PKHD1: variants seen among roughly 807,000 people sequenced by gnomAD.
The protein encoded by PKHD1 is fibrocystin.
A neutral mutation model predicts 412.0 loss-of-function variants in PKHD1; 291 were observed. The observed-to-expected ratio is 0.71, with a 90% confidence interval of 0.64 to 0.78. PKHD1 has a LOEUF of 0.78. PKHD1 is among the 30% of genes least tolerant of loss of function. The pLI is 0.00. For missense variants in PKHD1, 4,825 were observed against 4,950.7 expected (o/e 0.97, Z 0.76); for synonymous variants, 1,777 against 1,821.5 (o/e 0.98, Z 0.62).
chr6:51,992,325 T>C (rs1190379290), intron 35 of PKHD1, among the ~76,000 whole-genome samples: 1 of 152,256 alleles, frequency 6.6e-6, no homozygotes, highest in African/African-American at 2.4e-5. Flanking sequence ...CCTAATATGT[T>C]TTTCTTTCCA....
At chr6:52,033,961 T>C (rs1430514583) in intron 28 of PKHD1, among the ~76,000 whole-genome samples, 1 of 151,816 alleles carries the variant, frequency 6.6e-6, no homozygotes, top group Admixed American at 6.6e-5. Context: ...AAACCCCACC[T>C]CTACTAAAAT....
chr6:51,979,985 T>A (rs574451839), intron 35 of PKHD1, among the ~76,000 whole-genome samples: 1 of 152,182 alleles, frequency 6.6e-6, no homozygotes, highest in Non-Finnish European at 1.5e-5. Context: ...TGCTCCATAT[T>A]TACATCAATG....
chr6:51,743,051 A>G (rs1784758868), intron 60 of PKHD1, among the ~76,000 whole-genome samples: 1 of 152,168 alleles, frequency 6.6e-6, no homozygotes, highest in Admixed American at 6.6e-5. Flanking sequence ...GCGTGTCACA[A>G]GAGAGGAGGT....
chr6:51,982,460 T>C (rs1795555522), intron 35 of PKHD1, among the ~76,000 whole-genome samples: 1 of 137,182 alleles, frequency 7.3e-6, no homozygotes, highest in African/African-American at 2.6e-5. Flanking sequence ...TTTTGTTCTG[T>C]ACTAAGAAAA....
At chr6:51,834,325 G>A (rs761651377) in intron 51 of PKHD1, among the ~76,000 whole-genome samples, 21 of 152,252 alleles carry the variant, frequency 1.4e-4, no homozygotes, top group African/African-American at 1.9e-4. Context: ...AGAGATCAAA[G>A]AAAGCGACAA....
chr6:51,703,693 A>C (rs2150718715), intron 60 of PKHD1, among the ~76,000 whole-genome samples: 1 of 152,152 alleles, frequency 6.6e-6, no homozygotes, highest in East Asian at 1.9e-4. Flanking sequence ...CTCTCTCCCA[A>C]GGAGGTCTGT....
rs1235985426 is a variant in PKHD1 at position 51,615,548 on chromosome 6, T to G, written c.*3533A>C. The G allele has an allele frequency of 6.6e-6, 1 of 152,246 alleles. No individual in the cohort carries two copies. The highest frequency in any genetic ancestry group is 1.5e-5 in the Non-Finnish European group (1 of 68,038). 9.4% of individuals were successfully genotyped at this position (152,246 alleles called of 1,614,324 possible). A position where few individuals can be genotyped will look rare whatever the true frequency, so the allele number is the denominator to read the frequency against. ...TAAGTTCTGAAAGCAAAATATGGAA[T>G]GCATGAATTTTAAATGACAGAATTA... On this transcript the variant is annotated 3_prime_UTR_variant, in exon 67 of 67. Transcript: ENST00000371117.
At position 52,062,599 on chromosome 6, in the gene PKHD1, G is replaced by A. The variant is rs748889738; in HGVS notation, c.1038C>T (p.Ala346=). ...CAATCTGCCACCTGTACCCTGGGGT[G>A]GCTTCAGTCAGTTCCAGTCCCTCAA... The part of the protein sequence containing the change: ...DAVEGLELTE[A]TPGYRWQIVP... The change falls in exon 14 of 67, where the codon GCC becomes GCT. Residue 346 remains alanine, a synonymous_variant. Coordinates refer to ENST00000371117, the MANE Select transcript of PKHD1 (RefSeq NM_138694.4). The A allele has an allele frequency of 5.6e-6, 9 of 1,613,998 alleles. No homozygotes were observed. Among genetic ancestry groups the A allele is most frequent in the Non-Finnish European group, 7.6e-6 (9 of 1,179,974 alleles).
chr6:51,903,343 C>T (rs1157179329), intron 43 of PKHD1, among the ~76,000 whole-genome samples: 1 of 152,156 alleles, frequency 6.6e-6, no homozygotes, highest in Non-Finnish European at 1.5e-5. Context: ...TCGTATGCAG[C>T]CCAAGATGGC....
rs547512213 is a variant in PKHD1, at chr6:51,819,327, A to G, written c.8302+11534T>C. ...CTGTGCTTAGTCCAAAATTTTTCAA[A>G]TTTGTTTGACTTACTTTTTTTTCCA... is the stretch of plus-strand genomic sequence containing the variant. On this transcript the variant is annotated intron_variant, in intron 52 of 66. Coordinates refer to ENST00000371117, the MANE Select transcript of PKHD1 (RefSeq NM_138694.4). 1.3e-4 allele frequency among the ~76,000 whole-genome samples: 20 copies of G among 152,318 alleles called. No homozygotes were observed. The South Asian group carries it at 2.3e-3, about 17-fold the overall frequency.
chr6:51,815,505 A>G (rs1180852684), intron 52 of PKHD1, among the ~76,000 whole-genome samples: 1 of 152,174 alleles, frequency 6.6e-6, no homozygotes, highest in East Asian at 1.9e-4. Flanking sequence ...AAGTGGAAAA[A>G]GTTACAGGTA....
chr6:51,619,855 T>A (rs1766391077), intron 66 of PKHD1, among the ~76,000 whole-genome samples: 2 of 152,182 alleles, frequency 1.3e-5, no homozygotes, highest in African/African-American at 4.8e-5. Context: ...ACAGGCCAAC[T>A]TACCAACAGG....
chr6:51,974,056 G>T (rs1286051640), intron 35 of PKHD1, among the ~76,000 whole-genome samples: 1 of 151,946 alleles, frequency 6.6e-6, no homozygotes, highest in Admixed American at 6.6e-5. Flanking sequence ...ATCCCAGTAC[G>T]GGTGAATCAC....
chr6:51,930,145 C>T (rs1449219006), intron 37 of PKHD1, among the ~76,000 whole-genome samples: 1 of 152,114 alleles, frequency 6.6e-6, no homozygotes, highest in Non-Finnish European at 1.5e-5. Context: ...GAGTGGTGAA[C>T]CTGGATTGGC....
intron 35 of PKHD1, among the ~76,000 whole-genome samples, chr6:52,001,888 AC>A (rs1798445627): frequency 6.6e-6 from 1 of 152,226 alleles, no homozygotes; most frequent in Non-Finnish European, 1.5e-5. Context: ...ACTTGGCATA[AC>A]AATTTACAGA....
intron 35 of PKHD1, among the ~76,000 whole-genome samples, chr6:51,994,632 A>G (rs1165994363): frequency 6.6e-6 from 1 of 152,134 alleles, no homozygotes; most frequent in African/African-American, 2.4e-5. Flanking sequence ...GCTGGAATGC[A>G]GTGCAGTGGC....
At chr6:51,959,809 TC>T in intron 36 of PKHD1, 60 bp downstream of exon 36, 1 of 1,426,698 alleles carries the variant, frequency 7.0e-7, no homozygotes, top group Non-Finnish European at 9.9e-7. Flanking sequence ...CCCTCCTCCA[TC>T]CCCCCTACAA....
intron 35 of PKHD1, among the ~76,000 whole-genome samples, chr6:51,979,457 A>T (rs115955139): frequency 0.015 from 2,303 of 151,880 alleles, 34 homozygotes; most frequent in South Asian, 0.06. Flanking sequence ...CAATCCCCCC[A>T]CATCCTTTCA....
At chr6:51,858,482 T>A (rs776898700) in intron 48 of PKHD1, among the ~76,000 whole-genome samples, 3 of 152,300 alleles carry the variant, frequency 2.0e-5, no homozygotes, top group Non-Finnish European at 2.9e-5. Flanking sequence ...CTACAGTAGG[T>A]ACTGTGGTCA....
Sources: allele counts gnomAD v4.1 joint callset (sites outside exome capture counted in the v4.1 genomes callset), GRCh38; gene constraint gnomAD v4.1.1; transcripts MANE v1.5; gene names NCBI Gene and HGNC (gene_info 2026-07-23, HGNC 2026-07-21).